SYN3: variants seen among roughly 807,000 people sequenced by gnomAD.
SYN3 encodes the protein synapsin III, also known as synapsin-3.
Under a neutral mutation model 65.8 loss-of-function variants are expected in SYN3, and 35 were observed. That is an observed-to-expected ratio of 0.53 (90% CI 0.41 to 0.70). SYN3 has a LOEUF of 0.70. Ranked by LOEUF, SYN3 falls within the 30% of genes least tolerant of loss-of-function variation. SYN3 has a pLI of 0.00. For missense variants in SYN3, 680 were observed against 749.0 expected, an observed-to-expected ratio of 0.91 and a Z score of 1.08; for synonymous variants, 270 against 292.9, an observed-to-expected ratio of 0.92 and a Z score of 0.80.
intron 7 of SYN3, among the ~76,000 whole-genome samples, chr22:32,567,618 T>C (rs1042456779): frequency 5.9e-5 from 9 of 152,152 alleles, no homozygotes; most frequent in Non-Finnish European, 1.3e-4. Context: ...GGAGCTGGCA[T>C]GGTCTACTGT....
chr22:32,680,018 G>C (rs1020932882), intron 6 of SYN3, among the ~76,000 whole-genome samples: 5 of 151,580 alleles, frequency 3.3e-5, no homozygotes, highest in African/African-American at 1.2e-4. Context: ...ACTCCATGAG[G>C]GCAGAGCCTA....
At position 32,621,158 on chromosome 22, in the gene SYN3, ACCAGGAGAG is replaced by A. The variant is rs1224673255; in HGVS notation, c.712-24431_712-24423del. On this transcript the variant is annotated intron_variant, in intron 6 of 13. Coordinates refer to ENST00000358763, the MANE Select transcript of SYN3 (RefSeq NM_003490.4). ...GATCCCTCCATGCTCCCTTGGGCTC[ACCAGGAGAG>A]CAGCTCCAGTCAGGGAAGTCTCCCT... Among the ~76,000 whole-genome samples the A allele has an allele frequency of 2.0e-5, 3 of 152,188 alleles. No individual in the cohort carries two copies. The East Asian group carries it at 5.8e-4, about 29-fold the overall frequency.
chr22:32,811,856 C>T (rs1003062340), intron 6 of SYN3, among the ~76,000 whole-genome samples: 1 of 152,188 alleles, frequency 6.6e-6, no homozygotes, highest in African/African-American at 2.4e-5. Context: ...CCTCTTTAGA[C>T]AGCTCCCATT....
intron 6 of SYN3, among the ~76,000 whole-genome samples, chr22:32,821,896 C>T (rs1252503481): frequency 1.3e-5 from 2 of 152,200 alleles, no homozygotes; most frequent in Non-Finnish European, 2.9e-5. Context: ...TGGCTCACGC[C>T]TGTAATCTCA....
chr22:32,927,987 G>T (rs13054969), intron 4 of SYN3, among the ~76,000 whole-genome samples: 1 of 152,024 alleles, frequency 6.6e-6, no homozygotes, highest in Admixed American at 6.5e-5. Flanking sequence ...ACTTACAAAG[G>T]GGCTGCATCC....
At chr22:32,999,837 T>C (rs2053006457) in intron 2 of SYN3, among the ~76,000 whole-genome samples, 1 of 151,832 alleles carries the variant, frequency 6.6e-6, no homozygotes. Flanking sequence ...ACGAGATGCA[T>C]GGGGAGGGGG....
At chr22:32,734,865 T>C (rs2061317998) in intron 6 of SYN3, among the ~76,000 whole-genome samples, 1 of 152,204 alleles carries the variant, frequency 6.6e-6, no homozygotes, top group Non-Finnish European at 1.5e-5. Context: ...CTCTCCCCAA[T>C]TCAATGTTGC....
intron 6 of SYN3, among the ~76,000 whole-genome samples, chr22:32,838,499 C>T (rs1423882843): frequency 6.6e-6 from 1 of 152,170 alleles, no homozygotes; most frequent in Non-Finnish European, 1.5e-5. Flanking sequence ...CTTGAGGGTG[C>T]TGAGCCTTGG....
chr22:32,931,472 A>G lies in SYN3; in HGVS notation c.379T>C (p.Ser127Pro), dbSNP rs1183030440. The G allele has an allele frequency of 1.9e-6, 3 of 1,613,434 alleles. No homozygotes were observed. The highest frequency in any genetic ancestry group is 2.5e-6 in the Non-Finnish European group (3 of 1,179,450). ...ACATAGGCAGCTAGGTTCAACTCTG[A>G]GAATTCAGCCTGAAGAATAAAGCAA... is the stretch of plus-strand genomic sequence containing the variant. The part of the protein sequence containing the change: ...IEIRVEQAEF[S>P]ELNLAAYVTG... Residue 127 changes from serine to proline, a missense_variant, in exon 4 of 14, where the codon TCA becomes CCA. Transcript: ENST00000358763.
intron 7 of SYN3, among the ~76,000 whole-genome samples, chr22:32,590,541 C>G (rs1379678555): frequency 6.6e-6 from 1 of 152,108 alleles, no homozygotes; most frequent in East Asian, 1.9e-4. Flanking sequence ...TCAGGTATAC[C>G]TAAAATAACT....
At chr22:32,693,516 T>C (rs2147166519) in intron 6 of SYN3, among the ~76,000 whole-genome samples, 1 of 151,438 alleles carries the variant, frequency 6.6e-6, no homozygotes, top group East Asian at 1.9e-4. Flanking sequence ...AGTAAAACCG[T>C]AGATAAGGGG....
At chr22:32,725,063 G>A (rs1425909394) in intron 6 of SYN3, among the ~76,000 whole-genome samples, 1 of 152,180 alleles carries the variant, frequency 6.6e-6, no homozygotes, top group Non-Finnish European at 1.5e-5. Flanking sequence ...GTTCCAGTGA[G>A]CCGAGATCGC....
chr22:32,695,274 T>G (rs147450468), intron 6 of SYN3, among the ~76,000 whole-genome samples: 1 of 152,362 alleles, frequency 6.6e-6, no homozygotes, highest in East Asian at 1.9e-4. Context: ...ACTGACTCTA[T>G]TATCAACTGA....
At chr22:32,957,819 A>G (rs1279509162) in intron 3 of SYN3, among the ~76,000 whole-genome samples, 3 of 152,162 alleles carry the variant, frequency 2.0e-5, no homozygotes, top group African/African-American at 7.2e-5. Flanking sequence ...CTTTTCCCTC[A>G]ATAGAGACTC....
At chr22:32,604,375 C>G (rs751179556) in intron 6 of SYN3, among the ~76,000 whole-genome samples, 1 of 152,166 alleles carries the variant, frequency 6.6e-6, no homozygotes, top group Non-Finnish European at 1.5e-5. Context: ...TCAGCCCAAC[C>G]CCTAACTCCC....
chr22:32,804,442 C>A (rs1355795500), intron 6 of SYN3, among the ~76,000 whole-genome samples: 1 of 152,234 alleles, frequency 6.6e-6, no homozygotes, highest in Non-Finnish European at 1.5e-5. Flanking sequence ...TTGGGACCCA[C>A]ACAACCCCAC....
At chr22:32,792,784 A>G (rs1030739811) in intron 6 of SYN3, among the ~76,000 whole-genome samples, 14 of 152,142 alleles carry the variant, frequency 9.2e-5, no homozygotes, top group African/African-American at 3.4e-4. Flanking sequence ...AAGAGCTCTG[A>G]GCACTCAACG....
At chr22:32,540,408 C>T (rs912548930) in intron 8 of SYN3, among the ~76,000 whole-genome samples, 2 of 152,196 alleles carry the variant, frequency 1.3e-5, no homozygotes, top group African/African-American at 4.8e-5. Context: ...CAGGGCTAAC[C>T]CTTGCAGTCC....
chr22:32,985,304 GT>G (rs1222410746), intron 2 of SYN3, among the ~76,000 whole-genome samples: 1 of 152,210 alleles, frequency 6.6e-6, no homozygotes, highest in Non-Finnish European at 1.5e-5. Context: ...CCTGTGCCTA[GT>G]GGGTGCTGTG....
Sources: allele counts gnomAD v4.1 joint callset (sites outside exome capture counted in the v4.1 genomes callset), GRCh38; gene constraint gnomAD v4.1.1; transcripts MANE v1.5; gene names NCBI Gene and HGNC (gene_info 2026-07-23, HGNC 2026-07-21).